CPQ: variants seen among roughly 807,000 people sequenced by gnomAD.
The protein encoded by CPQ is Ser-Met dipeptidase.
Under a neutral mutation model 45.7 loss-of-function variants are expected in CPQ, and 37 were observed. The observed-to-expected ratio is 0.81, with a 90% CI of 0.62 to 1.07. The LOEUF (loss-of-function observed/expected upper bound fraction) is 1.07. Among genes scored for constraint, CPQ ranks in the 50% least tolerant of loss-of-function variants. CPQ has a pLI of 0.00. For missense variants in CPQ, 537 were observed against 572.9 expected (o/e 0.94, Z 0.64); for synonymous variants, 186 against 205.8 (o/e 0.90, Z 0.82).
intron 7 of CPQ, among the ~76,000 whole-genome samples, chr8:97,138,386 G>A (rs889789881): frequency 2.0e-5 from 3 of 152,138 alleles, no homozygotes; most frequent in Non-Finnish European, 4.4e-5. Context: ...TTGTAAGAAC[G>A]TGGGTTGGGC....
chr8:96,986,913 T>C (rs1554581884), intron 5 of CPQ, among the ~76,000 whole-genome samples: 2 of 152,154 alleles, frequency 1.3e-5, no homozygotes, highest in Non-Finnish European at 1.5e-5. Flanking sequence ...TTAGAGTTAC[T>C]ATATTGAAAT....
At chr8:96,978,951 C>T (rs1036204606) in intron 5 of CPQ, among the ~76,000 whole-genome samples, 1 of 151,804 alleles carries the variant, frequency 6.6e-6, no homozygotes, top group African/African-American at 2.4e-5. Context: ...ATAATATGGA[C>T]AGGACACAGT....
intron 5 of CPQ, among the ~76,000 whole-genome samples, chr8:97,007,410 A>G (rs2130433963): frequency 6.6e-6 from 1 of 152,324 alleles, no homozygotes; most frequent in South Asian, 2.1e-4. Flanking sequence ...AAATGCCACT[A>G]AGAACTTGCT....
At chr8:97,088,196 T>G (rs1454334423) in intron 7 of CPQ, among the ~76,000 whole-genome samples, 2 of 152,206 alleles carry the variant, frequency 1.3e-5, no homozygotes, top group Non-Finnish European at 2.9e-5. Context: ...TGTCATACAT[T>G]TCATGAAAGT....
chr8:96,839,851 G>A (rs1287077631), intron 3 of CPQ, among the ~76,000 whole-genome samples: 1 of 152,130 alleles, frequency 6.6e-6, no homozygotes. Flanking sequence ...TATTCTAAAG[G>A]GTTAAAGAGT....
intron 7 of CPQ, 116 bp from the exon 8 acceptor site, chr8:97,142,904 T>G (rs1812191443): frequency 1.1e-6 from 1 of 874,192 alleles, no homozygotes; most frequent in African/African-American, 1.7e-5. Flanking sequence ...GAAAAGTAAT[T>G]ATTTTGCTAT....
chr8:97,030,631 T>G (rs139815800), intron 6 of CPQ, among the ~76,000 whole-genome samples: 3 of 152,222 alleles, frequency 2.0e-5, no homozygotes, highest in African/African-American at 7.2e-5. Flanking sequence ...CAACATCATA[T>G]AAGGGTTGTT....
At chr8:96,804,527 A>T (rs538707642) in intron 2 of CPQ, among the ~76,000 whole-genome samples, 1 of 151,998 alleles carries the variant, frequency 6.6e-6, no homozygotes, top group Non-Finnish European at 1.5e-5. Context: ...TTTTTATTTG[A>T]TACAAGAATT....
At chr8:96,993,913 T>C (rs1300275065) in intron 5 of CPQ, among the ~76,000 whole-genome samples, 1 of 152,124 alleles carries the variant, frequency 6.6e-6, no homozygotes, top group Non-Finnish European at 1.5e-5. Context: ...CACTATATTG[T>C]TCTCCCGTTC....
chr8:96,706,135 C>T lies in CPQ; in HGVS notation c.-35+60733C>T, dbSNP rs182449037. On this transcript the variant is annotated intron_variant, in intron 1 of 7. Transcript: ENST00000220763. Reference sequence around the variant, plus strand: ...GACAGCCTGTCTTTGTTGCCTGGACCGTGTTTTAATACGTGATCTTTGCTG... The same window carrying T: ...GACAGCCTGTCTTTGTTGCCTGGACTGTGTTTTAATACGTGATCTTTGCTG... Among the ~76,000 whole-genome samples, 387 of 152,200 alleles carry T rather than the reference C, an allele frequency of 2.5e-3. 3 individuals carry two copies. The highest frequency in any genetic ancestry group is 8.7e-3 in the African/African-American group (362 of 41,540).
At chr8:96,770,278 C>A (rs116282553) in intron 1 of CPQ, among the ~76,000 whole-genome samples, 1 of 152,082 alleles carries the variant, frequency 6.6e-6, no homozygotes, top group Non-Finnish European at 1.5e-5. Context: ...GGGATTCCCT[C>A]TAGGAAGGAA....
intron 3 of CPQ, among the ~76,000 whole-genome samples, 179 bp from the exon 4 acceptor site, chr8:96,879,619 A>G (rs1444051171): frequency 6.6e-6 from 1 of 152,234 alleles, no homozygotes; most frequent in Non-Finnish European, 1.5e-5. Flanking sequence ...ATTTATTCTT[A>G]ACAAAAAATA....
intron 5 of CPQ, among the ~76,000 whole-genome samples, chr8:97,007,204 A>C (rs1042653108): frequency 6.6e-6 from 1 of 152,214 alleles, no homozygotes; most frequent in African/African-American, 2.4e-5. Context: ...TAAGGGAGAC[A>C]TACTCCTCTA....
At position 96,860,844 on chromosome 8, in the gene CPQ, C is replaced by T. The variant is rs1586429510; in HGVS notation, c.642-18954C>T. 2.0e-5 allele frequency among the ~76,000 whole-genome samples: 3 copies of T among 152,238 alleles called. No homozygotes were observed. In the South Asian group the frequency reaches 6.2e-4, roughly 32 times the overall value. ...GCTTACCTTTAAACAGCATTAATAT[C>T]CTGCCTGTTGTACTGAAGCAAGAAA... On this transcript the variant is annotated intron_variant, in intron 3 of 7. Transcript: ENST00000220763.
chr8:96,761,542 T>C (rs1379025122), intron 1 of CPQ: 2 of 152,198 alleles, frequency 1.3e-5, no homozygotes, highest in African/African-American at 4.8e-5. Flanking sequence ...CTGTTTTCTT[T>C]GTTATTCTTC....
chr8:96,901,969 A>G (rs920001941), intron 4 of CPQ, among the ~76,000 whole-genome samples: 2 of 152,164 alleles, frequency 1.3e-5, no homozygotes, highest in Non-Finnish European at 1.5e-5. Flanking sequence ...CAAAAATTTC[A>G]TATTTGTCGT....
intron 4 of CPQ, among the ~76,000 whole-genome samples, chr8:96,946,431 G>A (rs1167140240): frequency 6.7e-6 from 1 of 149,088 alleles, no homozygotes; most frequent in Non-Finnish European, 1.5e-5. Context: ...GTTTGGGAGT[G>A]TTTACTTATT....
Position 96,672,475 on chromosome 8 carries a change from A to G in CPQ, c.-35+27073A>G, listed in dbSNP as rs138689286. The stretch of plus-strand genomic sequence containing the variant: ...AGCATGCTTGGAGGTGGCATATTCT[A>G]TGCCAAAAAATAAAGCAAAGGAGTT... On this transcript the variant is annotated intron_variant, in intron 1 of 7. Transcript: ENST00000220763. 6.6e-5 allele frequency among the ~76,000 whole-genome samples: 10 copies of G among 152,320 alleles called. No individual in the cohort carries two copies. The East Asian group carries it at 1.9e-3, about 29-fold the overall frequency.
intron 4 of CPQ, among the ~76,000 whole-genome samples, chr8:96,956,502 CTA>C (rs1813359775): frequency 6.6e-6 from 1 of 152,004 alleles, no homozygotes; most frequent in Non-Finnish European, 1.5e-5. Context: ...TGACATTTGA[CTA>C]TGAATATTGA....
Sources: gnomAD v4.1 joint callset for allele counts (sites outside exome capture counted in the v4.1 genomes callset) on GRCh38, gnomAD v4.1.1 for gene constraint, MANE v1.5 for transcripts, NCBI Gene and HGNC (gene_info 2026-07-23, HGNC 2026-07-21) for gene names.